SLC36A1: variants seen among roughly 807,000 people sequenced by gnomAD.
The protein encoded by SLC36A1 is solute carrier family 36 member 1.
In SLC36A1, 30 loss-of-function variants were observed where a neutral mutation model predicts 47.5. The ratio of observed to expected loss-of-function variants is 0.63; its 90% CI spans 0.47 to 0.86. The LOEUF (loss-of-function observed/expected upper bound fraction) is 0.86. SLC36A1 is among the 40% of genes least tolerant of loss of function. The pLI, the probability that SLC36A1 is intolerant of heterozygous loss-of-function variation, is 0.00. For synonymous variants in SLC36A1, 255 were observed against 249.7 expected, an observed-to-expected ratio of 1.02 and a Z score of -0.20; for missense variants, 517 against 606.0, an observed-to-expected ratio of 0.85 and a Z score of 1.54.
At chr5:151,469,407 C>T in intron 7 of SLC36A1, 1 of 568,504 alleles carries the variant, frequency 1.8e-6, no homozygotes, top group Admixed American at 2.9e-5. Flanking sequence ...GTTAGTATTC[C>T]TGGCTCTACC....
At chr5:151,546,010 T>G in the SLC36A1 span, 1 of 1,613,836 alleles carries the variant, frequency 6.2e-7, no homozygotes. Context: ...AGAATATGAG[T>G]TCATAGAGAA....
Position 151,488,365 on chromosome 5 carries a change from G to A in SLC36A1, c.*111G>A. ...CTCTGAGGAAAGTCAGGGTTGCTGT[G>A]TGGGAACCCCTCTGCCTGGCACCTG... On this transcript the variant is annotated 3_prime_UTR_variant, in exon 11 of 11. Coordinates refer to ENST00000243389, the MANE Select transcript of SLC36A1 (RefSeq NM_078483.4). 2.2e-6 allele frequency: 3 copies of A among 1,379,744 alleles called. No homozygotes were observed. The highest frequency in any genetic ancestry group is 2.9e-5 in the African/African-American group (2 of 68,908). The allele number at this position is 1,379,744 out of a possible 1,614,324, so 85.5% of individuals were successfully genotyped here.
chr5:151,483,148 A>T (rs1431000151), intron 10 of SLC36A1, among the ~76,000 whole-genome samples: 1 of 152,236 alleles, frequency 6.6e-6, no homozygotes, highest in African/African-American at 2.4e-5. Flanking sequence ...GGAGCCATAA[A>T]TGGCCAGCGT....
At chr5:151,434,709 G>C (rs1034821629), upstream of SLC36A1, among the ~76,000 whole-genome samples, 1 of 152,148 alleles carries the variant, frequency 6.6e-6, no homozygotes, top group Non-Finnish European at 1.5e-5. Context: ...GTAGAGCCCA[G>C]AATTAGTGCT....
downstream of SLC36A1, among the ~76,000 whole-genome samples, chr5:151,494,742 T>C (rs914206883): frequency 2.0e-5 from 3 of 152,332 alleles, no homozygotes; most frequent in African/African-American, 7.2e-5. Context: ...TTAGTTATTA[T>C]GGCTTATGTT....
chr5:151,534,558 C>T, the SLC36A1 span: 12 of 1,614,102 alleles, frequency 7.4e-6, no homozygotes, highest in South Asian at 2.2e-5. Flanking sequence ...CTGGCACGAT[C>T]GGCCACCTCC....
At chr5:151,497,416 G>T in the SLC36A1 span, among the ~76,000 whole-genome samples, 1,545 of 152,128 alleles carry the variant, frequency 0.01, 62 homozygotes, top group East Asian at 0.13. Context: ...TATTGAACTG[G>T]CCTTGCTTAC....
chr5:151,553,471 C>A, the SLC36A1 span: 3 of 1,211,336 alleles, frequency 2.5e-6, no homozygotes, highest in East Asian at 7.6e-5. Flanking sequence ...CCAGAGCGTC[C>A]TGTGATTCTG....
chr5:151,389,174 C>T, the SLC36A1 span, among the ~76,000 whole-genome samples: 2 of 152,138 alleles, frequency 1.3e-5, no homozygotes, highest in African/African-American at 4.8e-5. Flanking sequence ...TATTGTTCCT[C>T]CCTCTGTCTC....
chr5:151,433,258 ATATATATATTTT>A (rs1191329244), upstream of SLC36A1, among the ~76,000 whole-genome samples: 5 of 15,396 alleles, frequency 3.2e-4, no homozygotes, highest in African/African-American at 1.4e-3. Context: ...ATATATATAT[ATATATATATTTT>A]TTTTTTTTTT....
chr5:151,425,642 C>T, the SLC36A1 span, among the ~76,000 whole-genome samples: 1 of 151,968 alleles, frequency 6.6e-6, no homozygotes, highest in African/African-American at 2.4e-5. Flanking sequence ...AGGTAAATGA[C>T]TGAAACAAAA....
At chr5:151,449,518 C>T (rs936902685) in intron 1 of SLC36A1, among the ~76,000 whole-genome samples, 3 of 152,168 alleles carry the variant, frequency 2.0e-5, no homozygotes, top group African/African-American at 7.2e-5. Flanking sequence ...CCTTGTTTTC[C>T]CTTTAAGGCA....
the SLC36A1 span, among the ~76,000 whole-genome samples, chr5:151,500,674 T>G: frequency 6.6e-6 from 1 of 152,100 alleles, no homozygotes; most frequent in African/African-American, 2.4e-5. Flanking sequence ...GGCCCCTCAT[T>G]AGGTTTTTGT....
At chr5:151,529,050 C>G in the SLC36A1 span, 1 of 750,274 alleles carries the variant, frequency 1.3e-6, no homozygotes, top group Non-Finnish European at 2.2e-6. Context: ...TCTGACAAGT[C>G]AGAGTCAAGT....
At chr5:151,399,695 T>C in the SLC36A1 span, among the ~76,000 whole-genome samples, 1 of 152,186 alleles carries the variant, frequency 6.6e-6, no homozygotes, top group Admixed American at 6.5e-5. Flanking sequence ...TGGCAGGGAT[T>C]GTCATACAGA....
In SLC36A1 at chr5:151,467,877, C is replaced by T. The variant is rs781147996; in HGVS notation, c.675C>T (p.Asn225=). 6.8e-6 allele frequency: 11 copies of T among 1,613,842 alleles called. No individual in the cohort carries two copies. In the Admixed American group the frequency reaches 1.7e-4, roughly 24 times the overall value. The change falls in exon 7 of 11, where the codon AAC becomes AAT. Residue 225 remains asparagine (N), a synonymous_variant. Coordinates refer to ENST00000243389, the MANE Select transcript of SLC36A1 (RefSeq NM_078483.4). ...TGTCCATCTTCTCCCTGTTGGCCAA[C>T]ATCACCATGCTGGTCAGCTTGGTCA... ...RALSIFSLLA[N]ITMLVSLVMI... is the part of the protein sequence containing the mutation.
At chr5:151,359,851 A>G in the SLC36A1 span, among the ~76,000 whole-genome samples, 3 of 152,174 alleles carry the variant, frequency 2.0e-5, no homozygotes, top group Admixed American at 6.5e-5. Flanking sequence ...AAACAAACCA[A>G]TAGTTTGTTT....
chr5:151,470,963 C>T (rs770299073), intron 7 of SLC36A1: 7 of 152,138 alleles, frequency 4.6e-5, no homozygotes, highest in African/African-American at 9.7e-5. Context: ...CACTGCATAT[C>T]GTTGCTTCTG....
At chr5:151,430,433 C>G in the SLC36A1 span, among the ~76,000 whole-genome samples, 8 of 150,778 alleles carry the variant, frequency 5.3e-5, no homozygotes, top group East Asian at 1.6e-3. Context: ...AAGCAATTCT[C>G]TGCCTCAGCC....
Sources: allele counts gnomAD v4.1 joint callset (sites outside exome capture counted in the v4.1 genomes callset), GRCh38; gene constraint gnomAD v4.1.1; transcripts MANE v1.5; gene names NCBI Gene and HGNC (gene_info 2026-07-23, HGNC 2026-07-21).